The following GRIA4 variants were observed in gnomAD, a reference collection of about 807,000 sequenced individuals.
The protein encoded by GRIA4 is glutamate ionotropic receptor AMPA type subunit 4.
In GRIA4, 34 loss-of-function variants were observed where a neutral mutation model predicts 104.0. The observed-to-expected ratio is 0.33, with a 90% CI of 0.25 to 0.44. GRIA4 has a LOEUF of 0.44. Among genes scored for constraint, GRIA4 ranks in the 20% least tolerant of loss-of-function variants. The pLI, the probability that GRIA4 is intolerant of heterozygous loss-of-function variation, is 1.00. For missense variants in GRIA4, 750 were observed against 1,096.5 expected, an observed-to-expected ratio of 0.68 and a Z score of 4.46; for synonymous variants, 386 against 381.9, an observed-to-expected ratio of 1.01 and a Z score of -0.13.
At chr11:105,663,489 A>C (rs1952074290) in intron 3 of GRIA4, among the ~76,000 whole-genome samples, 2 of 151,990 alleles carry the variant, frequency 1.3e-5, no homozygotes, top group Admixed American at 1.3e-4. Context: ...TTTTAAAGTG[A>C]CAAGTGCTGC....
chr11:105,948,030 G>A (rs1210061048), intron 14 of GRIA4, among the ~76,000 whole-genome samples: 1 of 152,120 alleles, frequency 6.6e-6, no homozygotes, highest in Non-Finnish European at 1.5e-5. Flanking sequence ...ACAGATGTGA[G>A]CCCCCATGTA....
At chr11:105,791,604 C>T (rs1271923136) in intron 4 of GRIA4, among the ~76,000 whole-genome samples, 2 of 152,130 alleles carry the variant, frequency 1.3e-5, no homozygotes, top group African/African-American at 4.8e-5. Flanking sequence ...GTTCAGTCTT[C>T]TCAACTACAT....
chr11:105,665,732 C>T (rs1003273462), intron 3 of GRIA4, among the ~76,000 whole-genome samples: 7 of 151,894 alleles, frequency 4.6e-5, no homozygotes, highest in Non-Finnish European at 8.8e-5. Context: ...TCTCTTTGGG[C>T]GTAATTTATG....
At position 105,898,246 on chromosome 11, in the gene GRIA4, A is replaced by G. The variant is rs201803654; in HGVS notation, c.727-23A>G. ...CATGTATAATAAACTAAATTTAACA[A>G]TCTTTTGTATTAATTTTTATAGGGA... On this transcript the variant is annotated intron_variant, in intron 6 of 16. Transcript: ENST00000282499. 210 of 1,275,604 alleles carry G rather than the reference A, an allele frequency of 1.6e-4. No individual in the cohort carries two copies. In the East Asian group the frequency reaches 4.7e-3, roughly 29 times the overall value. 79.0% of individuals were successfully genotyped at this position (1,275,604 alleles called of 1,614,324 possible).
At chr11:105,819,927 A>G (rs1208375658) in intron 4 of GRIA4, among the ~76,000 whole-genome samples, 1 of 152,078 alleles carries the variant, frequency 6.6e-6, no homozygotes, top group Admixed American at 6.6e-5. Flanking sequence ...TGTGACTAGT[A>G]TCCTTATAAG....
intron 14 of GRIA4, among the ~76,000 whole-genome samples, chr11:105,942,191 G>T (rs1489981772): frequency 3.3e-5 from 5 of 151,874 alleles, no homozygotes; most frequent in African/African-American, 9.7e-5. Flanking sequence ...AATTGAATAG[G>T]ACCCAGGAAA....
intron 4 of GRIA4, among the ~76,000 whole-genome samples, chr11:105,783,603 T>A (rs1041044241): frequency 6.6e-6 from 1 of 152,218 alleles, no homozygotes; most frequent in Admixed American, 6.5e-5. Flanking sequence ...GTCCATAGGT[T>A]TCTTCCTAAC....
At chr11:105,802,647 A>C (rs1004469901) in intron 4 of GRIA4, among the ~76,000 whole-genome samples, 1 of 152,070 alleles carries the variant, frequency 6.6e-6, no homozygotes, top group Non-Finnish European at 1.5e-5. Context: ...TATTCAGTTC[A>C]AAATTTTTAC....
At chr11:105,781,797 C>T (rs1369228573) in intron 4 of GRIA4, among the ~76,000 whole-genome samples, 1 of 152,040 alleles carries the variant, frequency 6.6e-6, no homozygotes, top group East Asian at 1.9e-4. Context: ...ACCCAGATGG[C>T]CTAGAACAAG....
At chr11:105,911,058 T>C (rs1421285290) in intron 10 of GRIA4, among the ~76,000 whole-genome samples, 1 of 152,116 alleles carries the variant, frequency 6.6e-6, no homozygotes, top group East Asian at 1.9e-4. Flanking sequence ...ATGAGCATGA[T>C]TTATATAACT....
chr11:105,963,022 C>A (rs1482271451), intron 14 of GRIA4, among the ~76,000 whole-genome samples: 1 of 152,084 alleles, frequency 6.6e-6, no homozygotes, highest in Non-Finnish European at 1.5e-5. Flanking sequence ...ATTTTGAAGT[C>A]TATGTCTGAA....
chr11:105,800,618 A>G (rs1201441990), intron 4 of GRIA4, among the ~76,000 whole-genome samples: 14 of 152,078 alleles, frequency 9.2e-5, no homozygotes, highest in Admixed American at 9.2e-4. Context: ...TGACTAATCA[A>G]TTAAAATAAT....
intron 3 of GRIA4, among the ~76,000 whole-genome samples, chr11:105,650,994 A>G (rs757439380): frequency 7.9e-5 from 12 of 152,202 alleles, no homozygotes; most frequent in Non-Finnish European, 1.5e-4. Context: ...ACTTTAATCA[A>G]TTGAAATACG....
chr11:105,895,631 G>A (rs1946624236), intron 6 of GRIA4, among the ~76,000 whole-genome samples: 1 of 151,410 alleles, frequency 6.6e-6, no homozygotes, highest in African/African-American at 2.4e-5. Context: ...GGGAGGGAGG[G>A]AGAGAGAGAG....
intron 4 of GRIA4, among the ~76,000 whole-genome samples, chr11:105,831,374 G>A (rs905984835): frequency 6.6e-6 from 1 of 151,946 alleles, no homozygotes; most frequent in African/African-American, 2.4e-5. Context: ...GTCAAGACTA[G>A]TCACAAGGCC....
chr11:105,714,523 A>G (rs760014928), intron 3 of GRIA4, among the ~76,000 whole-genome samples: 1 of 152,148 alleles, frequency 6.6e-6, no homozygotes, highest in Non-Finnish European at 1.5e-5. Context: ...CCTAAATATT[A>G]TCATGCTTAA....
chr11:105,638,465 T>C (rs1003345957), intron 3 of GRIA4, among the ~76,000 whole-genome samples: 1 of 152,026 alleles, frequency 6.6e-6, no homozygotes, highest in Non-Finnish European at 1.5e-5. Flanking sequence ...ATAAATATGA[T>C]CAGGGCAAAG....
At chr11:105,642,466 G>C (rs1167747203) in intron 3 of GRIA4, among the ~76,000 whole-genome samples, 1 of 147,308 alleles carries the variant, frequency 6.8e-6, no homozygotes, top group Admixed American at 6.9e-5. Flanking sequence ...CCTAAGTTGG[G>C]GCCTAAATCT....
At chr11:105,714,342 T>C (rs1954018304) in intron 3 of GRIA4, among the ~76,000 whole-genome samples, 1 of 152,098 alleles carries the variant, frequency 6.6e-6, no homozygotes, top group Non-Finnish European at 1.5e-5. Flanking sequence ...GTATGTATCA[T>C]CAAATCACAC....
Sources: allele counts gnomAD v4.1 joint callset (sites outside exome capture counted in the v4.1 genomes callset), GRCh38; gene constraint gnomAD v4.1.1; transcripts MANE v1.5; gene names NCBI Gene and HGNC (gene_info 2026-07-23, HGNC 2026-07-21).